Variants in TTF1 observed in about 807,000 individuals in gnomAD.
TTF1 encodes transcription termination factor, RNA polymerase I.
A neutral mutation model predicts 80.2 loss-of-function variants in TTF1; 64 were observed. That is an observed-to-expected ratio of 0.80 (90% CI 0.65 to 0.98). TTF1 has a LOEUF of 0.98. Ranked by LOEUF, TTF1 falls within the 50% of genes least tolerant of loss-of-function variation. TTF1 has a pLI of 0.00. For synonymous variants in TTF1, 372 were observed against 382.7 expected (o/e 0.97, Z 0.33); for missense variants, 1,023 against 1,086.2 (o/e 0.94, Z 0.82).
intron 5 of TTF1, among the ~76,000 whole-genome samples, chr9:132,395,412 C>G (rs1051927275): frequency 2.0e-5 from 3 of 152,006 alleles, no homozygotes; most frequent in African/African-American, 7.3e-5. Flanking sequence ...AATTTCATTC[C>G]TGTGTGTGTG....
rs1849764677 is a variant in TTF1, at chr9:132,401,633, C to G, written c.1189G>C (p.Val397Leu). 7 of 1,614,212 alleles carry G rather than the reference C, an allele frequency of 4.3e-6. No homozygotes were observed. Among genetic ancestry groups the G allele is most frequent in the Non-Finnish European group, 5.9e-6 (7 of 1,180,046 alleles). ...TCACCAGACACTCGTGCCCTTTTGACAGACGTAAGCTTCCTTTTCTTAGAC... is the reference window on the plus strand; with the variant it reads ...TCACCAGACACTCGTGCCCTTTTGAGAGACGTAAGCTTCCTTTTCTTAGAC... ...KKSKKRKLTS[V>L]KRARVSGDDF... Residue 397 changes from valine to leucine, a missense_variant, in exon 2 of 11, where the codon GTC becomes CTC. Val to Leu is a conservative substitution (Grantham distance 32). Coordinates refer to ENST00000334270, the MANE Select transcript of TTF1 (RefSeq NM_007344.4).
At chr9:132,403,279 C>T (rs2131657746) in intron 1 of TTF1, among the ~76,000 whole-genome samples, 1 of 152,292 alleles carries the variant, frequency 6.6e-6, no homozygotes, top group Middle Eastern at 3.4e-3. Flanking sequence ...ACACAGGTGG[C>T]TCACTGGAAT....
chr9:132,396,560 G>A (rs774346911), intron 4 of TTF1, 49 bp from the exon 5 acceptor site: 14 of 1,549,376 alleles, frequency 9.0e-6, no homozygotes, highest in African/African-American at 5.4e-5. Flanking sequence ...AAATGAAGTC[G>A]CAATTGTAAA....
chr9:132,403,670 A>T (rs1415384994), intron 1 of TTF1, among the ~76,000 whole-genome samples: 1 of 109,036 alleles, frequency 9.2e-6, no homozygotes, highest in Non-Finnish European at 1.9e-5. Flanking sequence ...TCTCTGCTTT[A>T]AAAAAAAAAG....
rs1849772942 is a variant in TTF1, at chr9:132,401,989, T to G, written c.833A>C (p.Lys278Thr). 2 of 1,613,822 alleles carry G rather than the reference T, an allele frequency of 1.2e-6. No individual in the cohort carries two copies. The highest frequency in any genetic ancestry group is 1.1e-5 in the South Asian group (1 of 91,080). Residue 278 changes from lysine to threonine, a missense_variant, in exon 2 of 11, where the codon AAA (lysine) becomes ACA (threonine). Coordinates refer to ENST00000334270, the MANE Select transcript of TTF1 (RefSeq NM_007344.4). The part of the protein sequence containing the change: ...GPTHKKKSKK[K>T]KKKKSNHQEF... ...CTGGTGATTGGACTTTTTCTTCTTTTTTTTCTTAGACTTTTTTTTGTGAGT... is the reference window on the plus strand; with the variant it reads ...CTGGTGATTGGACTTTTTCTTCTTTGTTTTCTTAGACTTTTTTTTGTGAGT...
intron 4 of TTF1, 113 bp from the exon 5 acceptor site, chr9:132,396,624 A>G: frequency 1.2e-6 from 1 of 825,660 alleles, no homozygotes; most frequent in Non-Finnish European, 2.0e-6. Flanking sequence ...CCCCGTGTTA[A>G]GGCTGGGATT....
chr9:132,403,773 C>T (rs931524813), intron 1 of TTF1, among the ~76,000 whole-genome samples: 5 of 152,294 alleles, frequency 3.3e-5, no homozygotes, highest in Non-Finnish European at 7.4e-5. Context: ...AGACTCCATT[C>T]GAGTGCAGGA....
chr9:132,405,195 CTTTTCTTTTTTTCT>C (rs1402426493), intron 1 of TTF1, among the ~76,000 whole-genome samples: 23 of 150,188 alleles, frequency 1.5e-4, no homozygotes, highest in African/African-American at 4.9e-4. Flanking sequence ...GATTTCTTTT[CTTTTCTTTTTTTCT>C]TTTTCTTTTT....
Position 132,398,143 on chromosome 9 carries a change from A to C in TTF1, c.1775T>G (p.Ile592Ser), listed in dbSNP as rs774406955. The C allele has an allele frequency of 1.3e-6, 2 of 1,576,616 alleles. No individual in the cohort carries two copies. The highest frequency in any genetic ancestry group is 1.7e-6 in the Non-Finnish European group (2 of 1,167,826). The change falls in exon 4 of 11, where the codon ATT becomes AGT. Residue 592 changes from isoleucine (I) to serine (S), a missense_variant and splice_region_variant. Coordinates refer to ENST00000334270, the MANE Select transcript of TTF1 (RefSeq NM_007344.4). ...LKRRYSFRLH[I>S]GRNIARPWKL... ...AGGGTGATTGTTTCTAAACTTACCA[A>C]TGTGTAATCTAAACGAGTATCTCCT...
At chr9:132,380,556 C>T (rs1004145818) in intron 9 of TTF1, among the ~76,000 whole-genome samples, 3 of 152,222 alleles carry the variant, frequency 2.0e-5, no homozygotes, top group African/African-American at 7.2e-5. Context: ...TTTTCCCTTC[C>T]CATAATGCTG....
intron 8 of TTF1, among the ~76,000 whole-genome samples, chr9:132,387,666 T>C (rs1589819381): frequency 6.6e-6 from 1 of 152,034 alleles, no homozygotes; most frequent in African/African-American, 2.4e-5. Flanking sequence ...GGCCCATGTC[T>C]CCCTTTTCCT....
At chr9:132,406,492 C>G (rs1849869697) in intron 1 of TTF1, among the ~76,000 whole-genome samples, 1 of 151,910 alleles carries the variant, frequency 6.6e-6, no homozygotes, top group Non-Finnish European at 1.5e-5. Flanking sequence ...ATCCCAGCTA[C>G]TCGGGAGGCT....
chr9:132,398,350 G>A (rs746134186), intron 3 of TTF1, 24 bp from the exon 4 acceptor site: 3 of 1,573,136 alleles, frequency 1.9e-6, no homozygotes, highest in East Asian at 4.6e-5. Context: ...GGAACAGGGA[G>A]AAAGTGTGTA....
intron 10 of TTF1, among the ~76,000 whole-genome samples, chr9:132,377,956 G>A (rs1849260023): frequency 7.2e-6 from 1 of 139,624 alleles, no homozygotes; most frequent in African/African-American, 2.7e-5. Flanking sequence ...TGGTGTGAGT[G>A]CATGTGGTGT....
At chr9:132,388,495 C>G (rs1234301235) in intron 7 of TTF1, among the ~76,000 whole-genome samples, 1 of 152,072 alleles carries the variant, frequency 6.6e-6, no homozygotes, top group African/African-American at 2.4e-5. Context: ...TGCGCACCAC[C>G]ACGCCCGGCT....
At chr9:132,398,466 T>A (rs1825404844) in intron 3 of TTF1, 140 bp from the exon 4 acceptor site, 1 of 807,966 alleles carries the variant, frequency 1.2e-6, no homozygotes, top group Admixed American at 3.4e-5. Context: ...CTGCCCGCAC[T>A]TGCAGATTTG....
intron 10 of TTF1, among the ~76,000 whole-genome samples, chr9:132,377,931 G>T (rs1310912431): frequency 2.9e-5 from 4 of 135,752 alleles, no homozygotes; most frequent in African/African-American, 5.6e-5. Flanking sequence ...TGCATGTGGT[G>T]CGTGTGAATG....
At position 132,402,260 on chromosome 9, in the gene TTF1, G is replaced by A. The variant is rs920009768; in HGVS notation, c.562C>T (p.Pro188Ser). The change falls in exon 2 of 11, where the codon CCT becomes TCT. Residue 188 changes from proline to serine, a missense_variant. Physicochemically the swap from Pro to Ser is moderately conservative, Grantham distance 74. Coordinates refer to ENST00000334270, the MANE Select transcript of TTF1 (RefSeq NM_007344.4). Reference sequence around the variant, plus strand: ...TCCTCCTGGTGGGATTCTGACTGAGGCAGGGTGTCCCTTGCCCGCTGGCTC... The same window carrying A: ...TCCTCCTGGTGGGATTCTGACTGAGACAGGGTGTCCCTTGCCCGCTGGCTC... The part of the protein sequence containing the change: ...WESQRARDTL[P>S]QSESHQEESW... 7.4e-6 allele frequency: 12 copies of A among 1,613,992 alleles called. No homozygotes were observed. Among genetic ancestry groups the A allele is most frequent in the Non-Finnish European group, 1.0e-5 (12 of 1,180,018 alleles).
At chr9:132,395,629 A>C (rs1408959394) in intron 5 of TTF1, among the ~76,000 whole-genome samples, 1 of 152,162 alleles carries the variant, frequency 6.6e-6, no homozygotes, top group East Asian at 1.9e-4. Flanking sequence ...TTTCTGTAAA[A>C]ATTTTAAAAA....
Sources: gnomAD v4.1 joint callset for allele counts (sites outside exome capture counted in the v4.1 genomes callset) on GRCh38, gnomAD v4.1.1 for gene constraint, MANE v1.5 for transcripts, NCBI Gene and HGNC (gene_info 2026-07-23, HGNC 2026-07-21) for gene names.